GRM5: variants seen among roughly 807,000 people sequenced by gnomAD.
GRM5 encodes the protein metabotropic glutamate receptor 5.
A neutral mutation model predicts 83.1 loss-of-function variants in GRM5; 19 were observed. The observed-to-expected ratio is 0.23, with a 90% CI of 0.16 to 0.34. The LOEUF (loss-of-function observed/expected upper bound fraction) is 0.34, where lower values mean the gene tolerates loss of function less well. Among genes scored for constraint, GRM5 ranks in the 10% least tolerant of loss-of-function variants. GRM5 has a pLI of 1.00. For missense variants in GRM5, 1,160 were observed against 1,588.3 expected, an observed-to-expected ratio of 0.73 and a Z score of 4.58; for synonymous variants, 675 against 633.6, an observed-to-expected ratio of 1.07 and a Z score of -0.98.
chr11:88,629,741 C>T (rs1375733129), intron 4 of GRM5, among the ~76,000 whole-genome samples: 1 of 152,170 alleles, frequency 6.6e-6, no homozygotes, highest in African/African-American at 2.4e-5. Context: ...TTGACTCACA[C>T]ATTCCAGTGA....
intron 3 of GRM5, among the ~76,000 whole-genome samples, chr11:88,771,539 C>A (rs780969802): frequency 2.0e-5 from 3 of 152,082 alleles, no homozygotes; most frequent in Non-Finnish European, 4.4e-5. Context: ...CAGAAGACAG[C>A]AAGCAAGCTT....
At position 88,850,002 on chromosome 11, in the gene GRM5, C is replaced by T. The variant is rs1343286008; in HGVS notation, c.815G>A (p.Arg272Gln). The T allele has an allele frequency of 1.9e-6, 3 of 1,613,670 alleles. No homozygotes were observed. The highest frequency in any genetic ancestry group is 3.3e-5 in the Admixed American group (2 of 60,026). Residue 272 changes from arginine (R) to glutamine (Q), a missense_variant, in exon 3 of 10, where the codon CGG becomes CAG. Arg to Gln is a conservative substitution (Grantham distance 43). Around this residue, in one of 9 missense-constraint regions of GRM5, gnomAD observed 84 missense variants for 231.0 expected, o/e 0.36. Transcript: ENST00000305447. The stretch of plus-strand genomic sequence containing the variant: ...GCCCTCACAGAAGCAGGCCACCACC[C>T]GGGCCTTGGGCAAGTGACTTGTGAG... Reference protein sequence around the residue: ...KKLTSHLPKARVVACFCEGMT... With the variant: ...KKLTSHLPKAQVVACFCEGMT...
chr11:89,003,263 C>T (rs549884718), intron 2 of GRM5, among the ~76,000 whole-genome samples: 38 of 152,142 alleles, frequency 2.5e-4, no homozygotes, highest in South Asian at 1.0e-3. Flanking sequence ...GTATTAAAAC[C>T]GGACGGATAA....
At chr11:88,687,838 G>T (rs183952438) in intron 3 of GRM5, among the ~76,000 whole-genome samples, 1 of 151,258 alleles carries the variant, frequency 6.6e-6, no homozygotes, top group African/African-American at 2.4e-5. Context: ...TAAGGGTCAA[G>T]ACTCTTCAGA....
At position 88,767,328 on chromosome 11, in the gene GRM5, T is replaced by C. The variant is rs1942642986; in HGVS notation, c.911+82578A>G. ...GATCCAGAAATCGCATTATTAGGCA[T>C]ATCCTCAAAAGAATGTAAATTTTCT... On this transcript the variant is annotated intron_variant, in intron 3 of 9. Coordinates refer to ENST00000305447, the MANE Select transcript of GRM5 (RefSeq NM_001143831.3). Among the ~76,000 whole-genome samples, 3 of 151,962 alleles carry C rather than the reference T, an allele frequency of 2.0e-5. No individual in the cohort carries two copies. In the South Asian group the frequency reaches 6.2e-4, roughly 31 times the overall value.
At chr11:89,042,440 C>G (rs1008394600) in intron 2 of GRM5, among the ~76,000 whole-genome samples, 1 of 152,162 alleles carries the variant, frequency 6.6e-6, no homozygotes, top group African/African-American at 2.4e-5. Flanking sequence ...TGTGACCTTT[C>G]TATTTTAGTT....
intron 8 of GRM5, among the ~76,000 whole-genome samples, chr11:88,558,770 C>T (rs1211650574): frequency 8.5e-6 from 1 of 117,180 alleles, no homozygotes; most frequent in Admixed American, 1.2e-4. Context: ...CTCTGCACTA[C>T]AGCCTGGCAA....
intron 4 of GRM5, among the ~76,000 whole-genome samples, chr11:88,633,312 C>A (rs780873488): frequency 2.2e-4 from 34 of 152,090 alleles, no homozygotes; most frequent in Non-Finnish European, 4.0e-4. Context: ...CCAATCTGTG[C>A]CTTTTCTTTT....
chr11:88,706,039 C>T (rs558781611), intron 3 of GRM5, among the ~76,000 whole-genome samples: 1 of 152,062 alleles, frequency 6.6e-6, no homozygotes, highest in South Asian at 2.1e-4. Context: ...CAGAGATTCA[C>T]TAACTTCCCA....
intron 6 of GRM5, among the ~76,000 whole-genome samples, chr11:88,595,287 C>G (rs558650598): frequency 1.1e-4 from 17 of 152,234 alleles, no homozygotes; most frequent in South Asian, 1.0e-3. Context: ...CTATTTGAAA[C>G]TATAGATTAC....
At chr11:88,546,185 A>C (rs1942382335) in intron 8 of GRM5, among the ~76,000 whole-genome samples, 3 of 151,908 alleles carry the variant, frequency 2.0e-5, no homozygotes, top group East Asian at 1.9e-4. Flanking sequence ...CTGTATCTAA[A>C]CATATCTAAA....
At chr11:88,596,662 T>G (rs927675162) in intron 6 of GRM5, among the ~76,000 whole-genome samples, 3 of 152,088 alleles carry the variant, frequency 2.0e-5, no homozygotes, top group Non-Finnish European at 4.4e-5. Flanking sequence ...GACATTTTAT[T>G]CAGTAGAAAT....
At chr11:88,686,058 G>A (rs1008111996) in intron 3 of GRM5, among the ~76,000 whole-genome samples, 1 of 152,008 alleles carries the variant, frequency 6.6e-6, no homozygotes, top group Admixed American at 6.6e-5. Context: ...AGCTTGCATC[G>A]TCTCCCTGAA....
chr11:88,516,315 A>T (rs1941519283), intron 9 of GRM5, among the ~76,000 whole-genome samples: 1 of 152,160 alleles, frequency 6.6e-6, no homozygotes, highest in Non-Finnish European at 1.5e-5. Flanking sequence ...CTAAATCCAG[A>T]GTCATTCCCA....
chr11:89,003,040 C>A (rs1452493832), intron 2 of GRM5, among the ~76,000 whole-genome samples: 1 of 151,912 alleles, frequency 6.6e-6, no homozygotes, highest in East Asian at 1.9e-4. Context: ...AAAAATTTTT[C>A]TCATGACAAG....
chr11:88,664,771 G>T (rs1181550239), intron 3 of GRM5, among the ~76,000 whole-genome samples: 2 of 151,864 alleles, frequency 1.3e-5, no homozygotes, highest in African/African-American at 2.4e-5. Flanking sequence ...CATTGTATTA[G>T]GTATTATAAG....
chr11:88,672,600 G>C lies in GRM5; in HGVS notation c.912-19197C>G, dbSNP rs1413892590. Among the ~76,000 whole-genome samples the C allele has an allele frequency of 2.0e-5, 3 of 151,954 alleles. No individual in the cohort carries two copies. In the East Asian group the frequency reaches 5.8e-4, roughly 29 times the overall value. ...CAATTGGTGAAATGTACAAAAGTAA[G>C]GATAATTTTGAGAAAACTCTCTTGC... On this transcript the variant is annotated intron_variant, in intron 3 of 9. Coordinates refer to ENST00000305447, the MANE Select transcript of GRM5 (RefSeq NM_001143831.3).
At chr11:88,808,011 T>C in intron 3 of GRM5, among the ~76,000 whole-genome samples, 1 of 152,142 alleles carries the variant, frequency 6.6e-6, no homozygotes, top group African/African-American at 2.4e-5. Context: ...AGAATATTCA[T>C]TTATAAATTT....
intron 3 of GRM5, among the ~76,000 whole-genome samples, chr11:88,804,961 G>A (rs549042128): frequency 2.9e-4 from 44 of 152,140 alleles, no homozygotes; most frequent in African/African-American, 9.4e-4. Flanking sequence ...CCTTTAAATT[G>A]AACAAATTAA....
Sources: allele counts gnomAD v4.1 joint callset (sites outside exome capture counted in the v4.1 genomes callset), GRCh38; gene constraint gnomAD v4.1.1; regional missense constraint gnomAD v4.1.1; transcripts MANE v1.5; gene names NCBI Gene and HGNC (gene_info 2026-07-23, HGNC 2026-07-21).